Variants in SPACA6 observed in about 807,000 individuals in gnomAD.
The protein encoded by SPACA6 is sperm acrosome associated 6.
For synonymous variants in SPACA6, 6 were observed against 1.5 expected (o/e 4.05, Z -2.21); for missense variants, 8 against 2.8 (o/e 2.88, Z -1.34).
chr19:51,688,853 C>A (rs1555791906), upstream of SPACA6, among the ~76,000 whole-genome samples: 1 of 149,242 alleles, frequency 6.7e-6, no homozygotes, highest in Non-Finnish European at 1.5e-5. Context: ...CACAGAGAGG[C>A]AGCAAAAGCA....
At chr19:51,694,022 C>CAGA (rs35624094) in intron 1 of SPACA6, 3 of 293,980 alleles carry the variant, frequency 1.0e-5, no homozygotes, top group African/African-American at 2.3e-5. Context: ...GATGGAGACT[C>CAGA]GGAAAGATGG....
intron 2 of SPACA6, among the ~76,000 whole-genome samples, chr19:51,711,523 C>G (rs1159345040): frequency 6.6e-6 from 1 of 152,176 alleles, no homozygotes; most frequent in Admixed American, 6.5e-5. Context: ...ATAAACCCAG[C>G]AATTCAATTT....
Position 51,693,604 on chromosome 19 carries a change from C to G in SPACA6, c.78C>G (p.Ala26=). 2.3e-6 allele frequency: 1 copy of G among 430,810 alleles called. No homozygotes were observed. Among genetic ancestry groups the G allele is most frequent in the Non-Finnish European group, 4.2e-6 (1 of 240,242 alleles). The allele number at this position is 430,810 out of a possible 1,614,324, so 26.7% of individuals were successfully genotyped here. Residue 26 remains alanine, a synonymous_variant, in exon 1 of 9, where the codon GCC becomes GCG. Coordinates refer to ENST00000637797, the MANE Select transcript of SPACA6 (RefSeq NM_001316972.2). ...CTGTCTTCAGGGTGCCCGCCTGGGC[C>G]TGTCTCCTCTGCTTCACAACCTACT... ...ALAVFRVPAW[A]CLLCFTTYSE...
Position 51,703,067 on chromosome 19 carries a change from T to C in SPACA6, c.432T>C (p.Ser144=), listed in dbSNP as rs2083482266. The C allele has an allele frequency of 5.0e-6, 2 of 399,300 alleles. No homozygotes were observed. The highest frequency in any genetic ancestry group is 8.8e-5 in the Admixed American group (2 of 22,734). The allele number at this position is 399,300 out of a possible 1,614,324, so 24.7% of individuals were successfully genotyped here. A position where few individuals can be genotyped will look rare whatever the true frequency, so the allele number is the denominator to read the frequency against. ...GTTTCCTCTGCAGCGGGTGCTACTC[T>C]AGGGTCTGCGACCTCCCGCTGGACT... ...ARRFLCSGCY[S]RVCDLPLDCP... is the part of the protein sequence containing the mutation. Residue 144 remains serine, a synonymous_variant, in exon 5 of 9, where the codon TCT becomes TCC. Coordinates refer to ENST00000637797, the MANE Select transcript of SPACA6 (RefSeq NM_001316972.2). This position sits in a 1 kb window ranked among gnomAD's most constrained non-coding sequence, Gnocchi z 4.2.
At chr19:51,696,081 G>A (rs1286840120) in intron 2 of SPACA6, among the ~76,000 whole-genome samples, 1 of 152,184 alleles carries the variant, frequency 6.6e-6, no homozygotes, top group African/African-American at 2.4e-5. Flanking sequence ...CAGCAGAAAA[G>A]TCAGAGAGTG....
downstream of SPACA6, chr19:51,712,431 G>A (rs1031826837): frequency 2.0e-5 from 3 of 152,238 alleles, no homozygotes; most frequent in Admixed American, 6.6e-5. Context: ...TTGTTTACAG[G>A]GAAACTGAGG....
At chr19:51,709,071 A>C (rs2083529858), downstream of SPACA6, among the ~76,000 whole-genome samples, 1 of 151,964 alleles carries the variant, frequency 6.6e-6, no homozygotes, top group Non-Finnish European at 1.5e-5. Context: ...CCTCTGTAAG[A>C]GATGAGGGTC....
upstream of SPACA6, chr19:51,687,487 GT>G (rs2083333889): frequency 2.6e-5 from 1 of 39,084 alleles, no homozygotes; most frequent in Non-Finnish European, 5.5e-5. Context: ...TGGATATCAT[GT>G]AAAAAAAAAA....
intron 4 of SPACA6, 161 bp from the exon 5 acceptor site, chr19:51,702,860 G>A (rs1489646346): frequency 2.5e-6 from 1 of 398,508 alleles, no homozygotes; most frequent in Non-Finnish European, 4.4e-6. Flanking sequence ...GAATCCTAGA[G>A]GGCGGAGAGG....
intron 2 of SPACA6, among the ~76,000 whole-genome samples, chr19:51,696,225 C>T (rs1289137907): frequency 2.0e-5 from 3 of 152,040 alleles, no homozygotes; most frequent in Non-Finnish European, 2.9e-5. Flanking sequence ...GTCTGGAGGC[C>T]GGGAGAAGCT....
At chr19:51,707,870 G>A (rs1019492636), downstream of SPACA6, among the ~76,000 whole-genome samples, 6 of 152,230 alleles carry the variant, frequency 3.9e-5, no homozygotes, top group East Asian at 9.6e-4. Flanking sequence ...ATAGCCAGAT[G>A]AAGAGGTAGA....
chr19:51,692,526 A>G (rs371718126), upstream of SPACA6: 269 of 453,498 alleles, frequency 5.9e-4, 1 homozygote, highest in East Asian at 3.9e-3. This position sits in a 1 kb window ranked among gnomAD's most constrained non-coding sequence, Gnocchi z 5.6. Context: ...CCTTGACTCC[A>G]GGGTCCCTGA....
downstream of SPACA6, among the ~76,000 whole-genome samples, chr19:51,706,251 C>T (rs2122232146): frequency 6.6e-6 from 1 of 152,234 alleles, no homozygotes; most frequent in East Asian, 1.9e-4. Context: ...TCTCTAGGGT[C>T]TTGGTTCACA....
downstream of SPACA6, chr19:51,705,201 T>C (rs2083509523): frequency 1.0e-5 from 4 of 400,878 alleles, no homozygotes; most frequent in Non-Finnish European, 8.8e-6. Flanking sequence ...GATTGTTTCA[T>C]CTCCGAAGGT....
chr19:51,704,381 G>A lies in SPACA6; in HGVS notation c.842G>A (p.Gly281Asp). Residue 281 changes from glycine (G) to aspartate (D), a missense_variant, in exon 8 of 9, where the codon GGC (glycine) becomes GAC (aspartate). By Grantham distance (94) the Gly-to-Asp change is moderately conservative. Coordinates refer to ENST00000637797, the MANE Select transcript of SPACA6 (RefSeq NM_001316972.2). The stretch of plus-strand genomic sequence containing the variant: ...ATCGAGCCCTGGAGGCCCAGCCTGG[G>A]CGAGCTGCTGGCCAGGCCCGAGGCT... ...ELIEPWRPSL[G>D]ELLARPEALT... is the part of the protein sequence containing the mutation. 2.5e-6 allele frequency: 1 copy of A among 401,128 alleles called. No homozygotes were observed. Among genetic ancestry groups the A allele is most frequent in the Non-Finnish European group, 4.4e-6 (1 of 226,238 alleles). The allele number at this position is 401,128 out of a possible 1,614,324, so 24.8% of individuals were successfully genotyped here. A position where few individuals can be genotyped will look rare whatever the true frequency, so the allele number is the denominator to read the frequency against.
At position 51,703,948 on chromosome 19, in the gene SPACA6, G is replaced by A. The variant is rs2122225161; in HGVS notation, c.574-82G>A. On this transcript the variant is annotated intron_variant, in intron 6 of 8. Coordinates refer to ENST00000637797, the MANE Select transcript of SPACA6 (RefSeq NM_001316972.2). This position sits in a 1 kb window ranked among gnomAD's most constrained non-coding sequence, Gnocchi z 4.2. ...GCTCAGGGCCAGGACTCCAGGGGGC[G>A]TGGTCTGGCTCGGGGGGCGGGGCTT... 1 of 398,410 alleles carries A rather than the reference G, an allele frequency of 2.5e-6. No individual in the cohort carries two copies. Among genetic ancestry groups the A allele is most frequent in the East Asian group, 3.6e-5 (1 of 28,018 alleles). 24.7% of individuals were successfully genotyped at this position (398,410 alleles called of 1,614,324 possible).
At chr19:51,686,287 C>T (rs1232877713), upstream of SPACA6, 1 of 152,230 alleles carries the variant, frequency 6.6e-6, no homozygotes, top group African/African-American at 2.4e-5. Flanking sequence ...ACTTAGCAAA[C>T]ATTTTCCTGA....
chr19:51,694,043 G>T, intron 1 of SPACA6: 1 of 271,256 alleles, frequency 3.7e-6, no homozygotes, highest in Non-Finnish European at 6.7e-6. Flanking sequence ...AGACTCAGGA[G>T]TATGGAGAGT....
Position 51,693,386 on chromosome 19 carries a change from T to C in SPACA6, c.-141T>C. On this transcript the variant is annotated 5_prime_UTR_variant, in exon 1 of 9. Coordinates refer to ENST00000637797, the MANE Select transcript of SPACA6 (RefSeq NM_001316972.2). ...GCTGGCCTGACTTCTGACCCCTGAC[T>C]CCTCATACCCTTCCTCCAGAGCATG... 1.4e-6 allele frequency: 1 copy of C among 690,214 alleles called. No individual in the cohort carries two copies. The highest frequency in any genetic ancestry group is 2.8e-6 in the Non-Finnish European group (1 of 361,676). The allele number at this position is 690,214 out of a possible 1,614,324, so 42.8% of individuals were successfully genotyped here.
Sources: gnomAD v4.1 joint callset for allele counts (sites outside exome capture counted in the v4.1 genomes callset) on GRCh38, gnomAD v4.1.1 for gene constraint, Gnocchi (gnomAD v3.1) non-coding constraint, MANE v1.5 for transcripts, NCBI Gene and HGNC (gene_info 2026-07-23, HGNC 2026-07-21) for gene names.